SPOPL: variants seen among roughly 807,000 people sequenced by gnomAD.
SPOPL encodes speckle type BTB/POZ protein like.
A neutral mutation model predicts 53.8 loss-of-function variants in SPOPL; 23 were observed. That is an observed-to-expected ratio of 0.43 (90% confidence interval 0.31 to 0.61). SPOPL has a LOEUF of 0.61. Among genes scored for constraint, SPOPL ranks in the 20% least tolerant of loss-of-function variants. The pLI is 0.12. For synonymous variants in SPOPL, 164 were observed against 149.7 expected, an observed-to-expected ratio of 1.10 and a Z score of -0.70; for missense variants, 442 against 466.9, an observed-to-expected ratio of 0.95 and a Z score of 0.49.
At chr2:138,565,030 A>G (rs1362689806) in intron 10 of SPOPL, 37 bp downstream of exon 10, 4 of 1,611,566 alleles carry the variant, frequency 2.5e-6, no homozygotes, top group South Asian at 2.2e-5. Flanking sequence ...AAGTTGCTCT[A>G]CATAAGTGAG....
intron 1 of SPOPL, among the ~76,000 whole-genome samples, chr2:138,548,672 A>C (rs1573898829): frequency 6.6e-6 from 1 of 152,066 alleles, no homozygotes; most frequent in South Asian, 2.1e-4. Flanking sequence ...AATTCTTCAT[A>C]TATTAAGAAA....
intron 1 of SPOPL, among the ~76,000 whole-genome samples, chr2:138,532,490 G>C (rs1400073366): frequency 3.8e-5 from 5 of 130,720 alleles, no homozygotes; most frequent in Non-Finnish European, 7.8e-5. Context: ...GCAGTGGCAC[G>C]ATCTTGGCTC....
At chr2:138,530,367 G>A (rs1573882351) in intron 1 of SPOPL, among the ~76,000 whole-genome samples, 1 of 152,108 alleles carries the variant, frequency 6.6e-6, no homozygotes, top group Non-Finnish European at 1.5e-5. Flanking sequence ...TTGCTGGGTC[G>A]AATGGTAGTT....
intron 4 of SPOPL, among the ~76,000 whole-genome samples, chr2:138,552,078 G>A (rs918755222): frequency 2.0e-5 from 3 of 151,846 alleles, no homozygotes; most frequent in East Asian, 1.9e-4. Flanking sequence ...ATAAAAAATC[G>A]GTGGGATGGG....
At chr2:138,514,603 T>G (rs929370381) in intron 1 of SPOPL, among the ~76,000 whole-genome samples, 1 of 152,202 alleles carries the variant, frequency 6.6e-6, no homozygotes, top group Non-Finnish European at 1.5e-5. Flanking sequence ...TTACTGTTAA[T>G]GGACATCTAG....
chr2:138,545,594 C>T (rs962800880), intron 1 of SPOPL, among the ~76,000 whole-genome samples: 7 of 42,384 alleles, frequency 1.7e-4, no homozygotes, highest in African/African-American at 2.4e-4. Context: ...CCATCACACC[C>T]GGCTAATTTT....
intron 1 of SPOPL, among the ~76,000 whole-genome samples, chr2:138,531,484 G>T (rs1206773132): frequency 1.3e-5 from 2 of 151,998 alleles, no homozygotes; most frequent in African/African-American, 4.8e-5. Context: ...GGCCAGTTTT[G>T]GAAAATTCTT....
chr2:138,547,089 C>T (rs192020265), intron 1 of SPOPL, among the ~76,000 whole-genome samples: 75 of 152,232 alleles, frequency 4.9e-4, no homozygotes, highest in African/African-American at 9.6e-4. Flanking sequence ...CCTCAGCCTC[C>T]GGAGTAGCTG....
At chr2:138,533,841 A>G (rs560035056) in intron 1 of SPOPL, among the ~76,000 whole-genome samples, 7 of 152,314 alleles carry the variant, frequency 4.6e-5, no homozygotes, top group Middle Eastern at 3.4e-3. Flanking sequence ...TTGTAGAATT[A>G]ATAAACAAAA....
At chr2:138,511,976 T>C (rs1028227681) in intron 1 of SPOPL, among the ~76,000 whole-genome samples, 8 of 152,200 alleles carry the variant, frequency 5.3e-5, no homozygotes, top group African/African-American at 1.7e-4. Context: ...ATAGTTGTTA[T>C]GAGAACTGAA....
intron 1 of SPOPL, among the ~76,000 whole-genome samples, chr2:138,522,814 G>T (rs559378538): frequency 3.8e-4 from 58 of 152,084 alleles, no homozygotes; most frequent in African/African-American, 1.4e-3. Context: ...TAAGTAAACT[G>T]GTTTTGAGTA....
chr2:138,514,742 G>C (rs1020723635), intron 1 of SPOPL, among the ~76,000 whole-genome samples: 5 of 152,092 alleles, frequency 3.3e-5, no homozygotes, highest in African/African-American at 1.2e-4. Flanking sequence ...TAATCACTGG[G>C]TCATATGTGT....
chr2:138,538,094 A>AT (rs1170060410), intron 1 of SPOPL, among the ~76,000 whole-genome samples: 7 of 152,250 alleles, frequency 4.6e-5, no homozygotes, highest in African/African-American at 1.7e-4. Flanking sequence ...TATAATTTAA[A>AT]TTTTTTTAAA....
intron 1 of SPOPL, among the ~76,000 whole-genome samples, chr2:138,545,484 A>C (rs1685173436): frequency 6.6e-6 from 1 of 151,456 alleles, no homozygotes; most frequent in Admixed American, 6.6e-5. Flanking sequence ...CCCAGGCTGG[A>C]GTGCAGTGGC....
At chr2:138,552,375 C>T (rs771047134) in intron 4 of SPOPL, among the ~76,000 whole-genome samples, 179 bp from the exon 5 acceptor site, 3 of 152,042 alleles carry the variant, frequency 2.0e-5, no homozygotes, top group South Asian at 2.1e-4. Context: ...TATGGAGTTA[C>T]TGTTTCTACC....
chr2:138,505,379 T>C (rs1413536616), intron 1 of SPOPL, among the ~76,000 whole-genome samples: 1 of 152,120 alleles, frequency 6.6e-6, no homozygotes, highest in Non-Finnish European at 1.5e-5. Flanking sequence ...ACAACCCATC[T>C]GTGCCAGTCT....
intron 1 of SPOPL, among the ~76,000 whole-genome samples, chr2:138,544,465 T>C (rs920059742): frequency 3.3e-4 from 50 of 152,184 alleles, no homozygotes; most frequent in African/African-American, 1.2e-3. Context: ...GCTGCCGCCT[T>C]GCAGTTTGAT....
chr2:138,520,414 C>T (rs368603711), intron 1 of SPOPL, among the ~76,000 whole-genome samples: 4 of 152,180 alleles, frequency 2.6e-5, no homozygotes, highest in African/African-American at 9.7e-5. Context: ...TACATACCTG[C>T]GTACATACAT....
At chr2:138,554,588 A>T in intron 5 of SPOPL, 1 of 1,147,522 alleles carries the variant, frequency 8.7e-7, no homozygotes. Context: ...TAATCTTGCA[A>T]GTTCCCTACA....
Sources: allele counts gnomAD v4.1 joint callset (sites outside exome capture counted in the v4.1 genomes callset), GRCh38; gene constraint gnomAD v4.1.1; transcripts MANE v1.5; gene names NCBI Gene and HGNC (gene_info 2026-07-23, HGNC 2026-07-21).